The following MIER3 variants were observed in gnomAD, a reference collection of about 807,000 sequenced individuals.
The protein encoded by MIER3 is MIER family member 3.
In MIER3, 9 loss-of-function variants were observed where a neutral mutation model predicts 63.2. That is an observed-to-expected ratio of 0.14 (90% CI 0.09 to 0.25). The LOEUF (loss-of-function observed/expected upper bound fraction) is 0.25, where lower values mean the gene tolerates loss of function less well. Among genes scored for constraint, MIER3 ranks in the 10% least tolerant of loss-of-function variants. MIER3 has a pLI of 1.00. For missense variants in MIER3, 512 were observed against 666.2 expected, an observed-to-expected ratio of 0.77 and a Z score of 2.55; for synonymous variants, 205 against 224.9, an observed-to-expected ratio of 0.91 and a Z score of 0.79.
At chr5:56,946,838 C>T (rs78618388) in intron 3 of MIER3, 88 bp downstream of exon 3, 20,187 of 1,029,388 alleles carry the variant, frequency 0.02, 257 homozygotes, top group Non-Finnish European at 0.024. Context: ...GATTATGATC[C>T]TATTTTTATT....
chr5:56,951,699 AG>A (rs1026226403), intron 1 of MIER3, among the ~76,000 whole-genome samples: 1 of 151,326 alleles, frequency 6.6e-6, no homozygotes, highest in East Asian at 2.0e-4. Flanking sequence ...CCGGCCGCGG[AG>A]GGGGGGCTCC....
intron 3 of MIER3, 109 bp downstream of exon 3, chr5:56,946,817 A>G (rs1750839153): frequency 1.5e-6 from 1 of 674,212 alleles, no homozygotes; most frequent in Non-Finnish European, 2.1e-6. Flanking sequence ...AATAAGAGTG[A>G]AAAAAAAAAG....
chr5:56,923,315 G>C lies in MIER3; in HGVS notation c.1466C>G (p.Pro489Arg). 6.2e-7 allele frequency: 1 copy of C among 1,614,204 alleles called. No homozygotes were observed. Among genetic ancestry groups the C allele is most frequent in the Non-Finnish European group, 8.5e-7 (1 of 1,180,040 alleles). The change falls in exon 13 of 13, where the codon CCT becomes CGT. Residue 489 changes from proline (P) to arginine (R), a missense_variant. Physicochemically the swap from Pro to Arg is moderately radical, Grantham distance 103. Coordinates refer to ENST00000381199, the MANE Select transcript of MIER3 (RefSeq NM_001297599.2). ...AKRLKMGIAV[P>R]ESFMNEVSVN... ...AGAAACTTCATTCATAAAGGATTCA[G>C]GGACGGCAATGCCCATTTTCAATCT...
intron 3 of MIER3, 44 bp from the exon 4 acceptor site, chr5:56,939,061 A>G (rs1266514806): frequency 6.2e-7 from 1 of 1,603,130 alleles, no homozygotes; most frequent in Non-Finnish European, 8.5e-7. Context: ...AGATGTCACA[A>G]TACTGAACTG....
intron 5 of MIER3, chr5:56,936,908 T>A (rs1186577357): frequency 1.3e-5 from 2 of 152,108 alleles, no homozygotes; most frequent in African/African-American, 4.8e-5. Flanking sequence ...TGAGCACTGA[T>A]AAGTTTTCAA....
chr5:56,928,581 T>C lies in MIER3; in HGVS notation c.924+186A>G, dbSNP rs573969152. On this transcript the variant is annotated intron_variant, in intron 10 of 12. Coordinates refer to ENST00000381199, the MANE Select transcript of MIER3 (RefSeq NM_001297599.2). ...GTTTATGTGAAAAGATATGTGAATA[T>C]ACTATCAGCCATTCCATAAGCAGGC... 26 of 455,718 alleles carry C rather than the reference T, an allele frequency of 5.7e-5. No individual in the cohort carries two copies. In the East Asian group the frequency reaches 8.7e-4, roughly 15 times the overall value. 28.2% of individuals were successfully genotyped at this position (455,718 alleles called of 1,614,324 possible).
At chr5:56,945,916 C>G (rs1750809669) in intron 3 of MIER3, among the ~76,000 whole-genome samples, 1 of 152,156 alleles carries the variant, frequency 6.6e-6, no homozygotes, top group African/African-American at 2.4e-5. Context: ...TTGATCCTTA[C>G]TCTTTATATT....
intron 10 of MIER3, among the ~76,000 whole-genome samples, chr5:56,924,287 T>A (rs1749848849): frequency 6.6e-6 from 1 of 152,180 alleles, no homozygotes; most frequent in South Asian, 2.1e-4. Context: ...TGTATTAGTT[T>A]ATAAAACAAG....
chr5:56,947,796 T>C (rs1750877372), intron 2 of MIER3, among the ~76,000 whole-genome samples: 2 of 152,188 alleles, frequency 1.3e-5, no homozygotes, highest in Non-Finnish European at 2.9e-5. Context: ...GATATATCCA[T>C]TGCAAGTTGT....
At chr5:56,925,500 C>T (rs1057374332) in intron 10 of MIER3, 5 of 273,048 alleles carry the variant, frequency 1.8e-5, no homozygotes, top group Non-Finnish European at 2.9e-5. Flanking sequence ...AACACAAGAC[C>T]ATTTACATTA....
intron 3 of MIER3, among the ~76,000 whole-genome samples, chr5:56,945,838 TAAGAG>T (rs1750807565): frequency 6.6e-6 from 1 of 152,180 alleles, no homozygotes; most frequent in African/African-American, 2.4e-5. Context: ...TAAAAAAGAT[TAAGAG>T]AATACACTAT....
At chr5:56,928,130 T>C (rs1750086814) in intron 10 of MIER3, 1 of 152,182 alleles carries the variant, frequency 6.6e-6, no homozygotes, top group Non-Finnish European at 1.5e-5. Flanking sequence ...GACATACAGG[T>C]TCCTTCCAAG....
In MIER3 at chr5:56,947,088, T is replaced by C. The variant is rs777852777; in HGVS notation, c.35-17A>G. 1.3e-6 allele frequency: 2 copies of C among 1,597,764 alleles called. No homozygotes were observed. The highest frequency in any genetic ancestry group is 2.3e-5 in the South Asian group (2 of 86,802). ...AAGACCCAACTGGAATAAAACAAAC[T>C]GAATCACTTTACACATTTACAAGGC... On this transcript the variant is annotated splice_polypyrimidine_tract_variant and intron_variant, in intron 2 of 12. Coordinates refer to ENST00000381199, the MANE Select transcript of MIER3 (RefSeq NM_001297599.2).
Position 56,922,632 on chromosome 5 carries a change from A to G in MIER3, c.*496T>C, listed in dbSNP as rs899284666. The stretch of plus-strand genomic sequence containing the variant: ...GCTTTTATTAAGAAAATAAAACCAA[A>G]AAAATGCTACATTGAGCAGGGATCG... On this transcript the variant is annotated 3_prime_UTR_variant, in exon 13 of 13. Transcript: ENST00000381199. 1.3e-5 allele frequency: 2 copies of G among 154,350 alleles called. No individual in the cohort carries two copies. The highest frequency in any genetic ancestry group is 4.8e-5 in the African/African-American group (2 of 41,480). 9.6% of individuals were successfully genotyped at this position (154,350 alleles called of 1,614,324 possible).
chr5:56,937,514 A>G, intron 5 of MIER3, 64 bp downstream of exon 5: 7 of 1,438,000 alleles, frequency 4.9e-6, no homozygotes, highest in Non-Finnish European at 6.5e-6. Context: ...ACTGAACACA[A>G]TAAAATGTAC....
intron 4 of MIER3, among the ~76,000 whole-genome samples, chr5:56,937,925 A>G (rs1049181234): frequency 2.2e-4 from 34 of 151,710 alleles, no homozygotes; most frequent in Admixed American, 1.8e-3. Flanking sequence ...TACTAAAACA[A>G]TTGCCTAATT....
Position 56,923,562 on chromosome 5 carries a change from C to T in MIER3, c.1219G>A (p.Val407Ile), listed in dbSNP as rs150526244. ...LTALTNSVAT[V>I]CDPTDVNCLD... ...CAATTCACATCTGTGGGGTCGCAGA[C>T]GGTTGCTACACTGTTGGTCAAAGCT... The change falls in exon 13 of 13, where the codon GTC (valine) becomes ATC (isoleucine). Residue 407 changes from valine to isoleucine, a missense_variant. By Grantham distance (29) the Val-to-Ile change is conservative. Transcript: ENST00000381199. 5.8e-5 allele frequency: 94 copies of T among 1,613,838 alleles called. No homozygotes were observed. The highest frequency in any genetic ancestry group is 8.9e-5 in the East Asian group (4 of 44,874).
At chr5:56,935,110 T>TA (rs1225390898) in intron 7 of MIER3, among the ~76,000 whole-genome samples, 1 of 152,290 alleles carries the variant, frequency 6.6e-6, no homozygotes, top group East Asian at 1.9e-4. Flanking sequence ...GATGAGATCC[T>TA]ACCCACTTCT....
At chr5:56,935,859 G>A (rs1750424157) in intron 5 of MIER3, 108 bp from the exon 6 acceptor site, 2 of 776,382 alleles carry the variant, frequency 2.6e-6, no homozygotes, top group Admixed American at 4.8e-5. Flanking sequence ...ATCAGCATAA[G>A]TATACTAAAC....
Sources: gnomAD v4.1 joint callset for allele counts (sites outside exome capture counted in the v4.1 genomes callset) on GRCh38, gnomAD v4.1.1 for gene constraint, MANE v1.5 for transcripts, NCBI Gene and HGNC (gene_info 2026-07-23, HGNC 2026-07-21) for gene names.